Variants in GABRG3 observed in about 807,000 individuals in gnomAD.
The protein encoded by GABRG3 is gamma-aminobutyric acid type A receptor subunit gamma3.
Under a neutral mutation model 48.8 loss-of-function variants are expected in GABRG3, and 25 were observed. The observed-to-expected ratio is 0.51, with a 90% CI of 0.37 to 0.72. The LOEUF is 0.72. Ranked by LOEUF, GABRG3 falls within the 30% of genes least tolerant of loss-of-function variation. The pLI is 0.00. For missense variants in GABRG3, 394 were observed against 577.9 expected (o/e 0.68, Z 3.26); for synonymous variants, 227 against 217.6 (o/e 1.04, Z -0.38).
chr15:27,373,169 T>C (rs142516185), intron 5 of GABRG3, among the ~76,000 whole-genome samples: 1 of 152,324 alleles, frequency 6.6e-6, no homozygotes, highest in African/African-American at 2.4e-5. Flanking sequence ...GCCTAATCTT[T>C]CTGAGTGTAT....
At chr15:27,208,332 C>A in intron 3 of GABRG3, 1 of 224,366 alleles carries the variant, frequency 4.5e-6, no homozygotes, top group Non-Finnish European at 1.0e-5. Flanking sequence ...GTAGCCCTTT[C>A]AAAGTAGGTG....
At chr15:27,079,372 G>A (rs1483694771) in intron 3 of GABRG3, among the ~76,000 whole-genome samples, 1 of 152,158 alleles carries the variant, frequency 6.6e-6, no homozygotes, top group African/African-American at 2.4e-5. Context: ...TAAAAATTAA[G>A]TATAATAGGA....
intron 3 of GABRG3, among the ~76,000 whole-genome samples, chr15:27,139,594 G>C (rs967811688): frequency 6.6e-6 from 1 of 151,646 alleles, no homozygotes; most frequent in African/African-American, 2.4e-5. Context: ...ACTCTCACAG[G>C]TACTTACTTT....
rs549327778 is a variant in GABRG3, at chr15:27,084,656, G to A, written c.270+57835G>A. Among the ~76,000 whole-genome samples the A allele has an allele frequency of 2.2e-4, 33 of 152,366 alleles. No homozygotes were observed. The East Asian group carries it at 5.8e-3, about 27-fold the overall frequency. On this transcript the variant is annotated intron_variant, in intron 3 of 9. Transcript: ENST00000615808. ...AGTCAGTAGTTAACTAAGTATGTCT[G>A]TTTTCGTCATGGGGACCAAATAATT...
intron 6 of GABRG3, 87 bp downstream of exon 6, chr15:27,480,874 T>C (rs774782890): frequency 6.6e-7 from 1 of 1,514,732 alleles, no homozygotes; most frequent in Non-Finnish European, 8.8e-7. Context: ...TACAAGCCTT[T>C]TGGGCAACCA....
chr15:27,389,057 A>G (rs1184860776), intron 5 of GABRG3, among the ~76,000 whole-genome samples: 1 of 152,252 alleles, frequency 6.6e-6, no homozygotes, highest in Non-Finnish European at 1.5e-5. Context: ...TGAACAGAGC[A>G]GTCCCACAAA....
intron 5 of GABRG3, among the ~76,000 whole-genome samples, chr15:27,417,363 A>G (rs527609016): frequency 1.3e-5 from 2 of 152,162 alleles, no homozygotes; most frequent in South Asian, 4.1e-4. Context: ...TATCTGGCCT[A>G]TGTATTTTCG....
At chr15:27,374,633 T>C (rs1895531523) in intron 5 of GABRG3, among the ~76,000 whole-genome samples, 1 of 152,094 alleles carries the variant, frequency 6.6e-6, no homozygotes, top group African/African-American at 2.4e-5. Flanking sequence ...GACTAGTGTA[T>C]CTGGGAGGTG....
intron 3 of GABRG3, among the ~76,000 whole-genome samples, chr15:27,175,608 T>C (rs1376332259): frequency 2.0e-5 from 3 of 152,158 alleles, no homozygotes; most frequent in Non-Finnish European, 4.4e-5. Context: ...GAGCTAGACA[T>C]GAGGCTCTCA....
At position 27,097,442 on chromosome 15, in the gene GABRG3, A is replaced by G. The variant is rs140535943; in HGVS notation, c.270+70621A>G. On this transcript the variant is annotated intron_variant, in intron 3 of 9. Coordinates refer to ENST00000615808, the MANE Select transcript of GABRG3 (RefSeq NM_033223.5). ...CCTGAGGCATAGAAAAATTTTATTC[A>G]GTTATTTTTACCTTCTCTCCTTCCC... Among the ~76,000 whole-genome samples the G allele has an allele frequency of 1.3e-3, 192 of 152,046 alleles. 1 individual carries two copies. The highest frequency in any genetic ancestry group is 4.4e-3 in the African/African-American group (182 of 41,492).
chr15:27,163,597 C>A (rs1188277629), intron 3 of GABRG3, among the ~76,000 whole-genome samples: 1 of 152,096 alleles, frequency 6.6e-6, no homozygotes, highest in Non-Finnish European at 1.5e-5. Context: ...TTACAGTGAG[C>A]CTACGATTGT....
chr15:27,520,233 G>A, intron 7 of GABRG3, 109 bp downstream of exon 7: 1 of 1,114,646 alleles, frequency 9.0e-7, no homozygotes, highest in Non-Finnish European at 1.3e-6. Context: ...GATCTCATTT[G>A]AGGGTGACTT....
rs1891629784 is a variant in GABRG3 at position 27,539,990 on chromosome 15, C to A, written c.*7109C>A. ...CATCATCACCCTCATTGTCCTCTTC[C>A]ATGTTTCTACTAGTACTCAGCTATT... On this transcript the variant is annotated 3_prime_UTR_variant, in exon 10 of 10. Transcript: ENST00000615808. 6.6e-6 allele frequency: 1 copy of A among 152,182 alleles called. No individual in the cohort carries two copies. The highest frequency in any genetic ancestry group is 2.1e-4 in the South Asian group (1 of 4,826). 9.4% of individuals were successfully genotyped at this position (152,182 alleles called of 1,614,324 possible). A position where few individuals can be genotyped will look rare whatever the true frequency, so the allele number is the denominator to read the frequency against.
At chr15:27,020,617 C>T (rs925378433) in intron 2 of GABRG3, among the ~76,000 whole-genome samples, 2 of 151,872 alleles carry the variant, frequency 1.3e-5, no homozygotes, top group East Asian at 3.9e-4. Context: ...CGGGGTTTCA[C>T]TGTGTTAGCC....
intron 3 of GABRG3, chr15:27,280,399 A>C (rs1241030669): frequency 6.6e-6 from 1 of 152,190 alleles, no homozygotes; most frequent in Non-Finnish European, 1.5e-5. Flanking sequence ...CTGAGATCAG[A>C]CTAGATTGGA....
chr15:27,347,489 T>C (rs1894414880), intron 5 of GABRG3, among the ~76,000 whole-genome samples: 1 of 152,074 alleles, frequency 6.6e-6, no homozygotes, highest in African/African-American at 2.4e-5. Context: ...CTCCCTTAAG[T>C]GGAACAGGAG....
At chr15:27,387,816 GGAGGGAGGGAGA>G (rs1334868115) in intron 5 of GABRG3, among the ~76,000 whole-genome samples, 1 of 129,020 alleles carries the variant, frequency 7.8e-6, no homozygotes, top group East Asian at 2.4e-4. Context: ...AGGGAGGGAG[GGAGGGAGGGAGA>G]GAGGGAGAGA....
At chr15:27,073,239 C>T (rs923128249) in intron 3 of GABRG3, among the ~76,000 whole-genome samples, 1 of 152,224 alleles carries the variant, frequency 6.6e-6, no homozygotes, top group Non-Finnish European at 1.5e-5. Flanking sequence ...TGAGATCCTG[C>T]CTGGCAGATG....
intron 9 of GABRG3, among the ~76,000 whole-genome samples, chr15:27,528,646 T>C (rs1173030508): frequency 6.6e-6 from 1 of 152,302 alleles, no homozygotes; most frequent in East Asian, 1.9e-4. Context: ...TTCAGTTTGG[T>C]AGTCACGCAG....
Sources: allele counts gnomAD v4.1 joint callset (sites outside exome capture counted in the v4.1 genomes callset), GRCh38; gene constraint gnomAD v4.1.1; transcripts MANE v1.5; gene names NCBI Gene and HGNC (gene_info 2026-07-23, HGNC 2026-07-21).